Variants in CNTNAP2 observed in about 807,000 individuals in gnomAD.
CNTNAP2 encodes the protein contactin associated protein 2.
In CNTNAP2, 98 loss-of-function variants were observed where a neutral mutation model predicts 155.2. The observed-to-expected ratio is 0.63, with a 90% CI of 0.54 to 0.75. CNTNAP2 has a LOEUF of 0.75. Among genes scored for constraint, CNTNAP2 ranks in the 30% least tolerant of loss-of-function variants. CNTNAP2 has a pLI of 0.00. For synonymous variants in CNTNAP2, 651 were observed against 631.2 expected (o/e 1.03, Z -0.47); for missense variants, 1,727 against 1,688.1 (o/e 1.02, Z -0.40).
In CNTNAP2 at chr7:146,987,146, C is replaced by T. The variant is rs182102123; in HGVS notation, c.403-56761C>T. On this transcript the variant is annotated intron_variant, in intron 3 of 23. Transcript: ENST00000361727. ...GGTGAGCAAAACCAGTGTCTAAGGA[C>T]TTACATGCTACATAGTTCTTTGATG... 9.2e-5 allele frequency among the ~76,000 whole-genome samples: 14 copies of T among 152,228 alleles called. No individual in the cohort carries two copies. The East Asian group carries it at 2.1e-3, about 23-fold the overall frequency.
At chr7:146,971,584 A>G (rs908324660) in intron 3 of CNTNAP2, among the ~76,000 whole-genome samples, 4 of 152,184 alleles carry the variant, frequency 2.6e-5, no homozygotes, top group Non-Finnish European at 5.9e-5. Flanking sequence ...TCAGGTTGCC[A>G]GCGTAGTCAG....
intron 5 of CNTNAP2, among the ~76,000 whole-genome samples, chr7:147,114,265 G>A (rs1800940444): frequency 6.6e-6 from 1 of 152,146 alleles, no homozygotes; most frequent in Non-Finnish European, 1.5e-5. Flanking sequence ...GCTGTGTAGT[G>A]ATGAGAAGTA....
intron 1 of CNTNAP2, among the ~76,000 whole-genome samples, chr7:146,633,635 GAT>G (rs1420233540): frequency 2.6e-5 from 4 of 151,722 alleles, no homozygotes; most frequent in Non-Finnish European, 4.4e-5. Flanking sequence ...TTAAAAAATA[GAT>G]ATAAGGATGG....
At chr7:148,098,471 C>T (rs1386993929) in intron 15 of CNTNAP2, among the ~76,000 whole-genome samples, 1 of 71,136 alleles carries the variant, frequency 1.4e-5, no homozygotes, top group Non-Finnish European at 2.9e-5. Flanking sequence ...AAAAAAAAAG[C>T]ATGCTTGTGT....
At position 146,510,880 on chromosome 7, in the gene CNTNAP2, G is replaced by A. The variant is rs548107447; in HGVS notation, c.98-263391G>A. ...TGTTTATCAGCTGTACTAGTTTTGG[G>A]GTGGTCTTTAGGTTTTTCTTTTTTC... On this transcript the variant is annotated intron_variant, in intron 1 of 23. Transcript: ENST00000361727. 7.2e-4 allele frequency among the ~76,000 whole-genome samples: 109 copies of A among 151,986 alleles called. 1 individual carries two copies. The highest frequency in any genetic ancestry group is 2.5e-3 in the African/African-American group (103 of 41,490).
intron 9 of CNTNAP2, among the ~76,000 whole-genome samples, chr7:147,366,052 A>G (rs116237868): frequency 1.2e-3 from 184 of 152,342 alleles, no homozygotes; most frequent in Middle Eastern, 3.4e-3. Context: ...TCCTTCATCA[A>G]GAATTTTCAT....
At chr7:147,847,909 G>T (rs997310850) in intron 13 of CNTNAP2, among the ~76,000 whole-genome samples, 5 of 123,704 alleles carry the variant, frequency 4.0e-5, no homozygotes, top group African/African-American at 6.3e-5. Flanking sequence ...TAGGCTGCTC[G>T]GGGGTCAGGG....
At chr7:147,775,421 A>G (rs1272049304) in intron 13 of CNTNAP2, among the ~76,000 whole-genome samples, 2 of 118,440 alleles carry the variant, frequency 1.7e-5, no homozygotes, top group African/African-American at 6.2e-5. Context: ...ATATTTATAT[A>G]TATATATCTG....
At chr7:147,822,442 G>A (rs908094123) in intron 13 of CNTNAP2, among the ~76,000 whole-genome samples, 1 of 152,030 alleles carries the variant, frequency 6.6e-6, no homozygotes, top group African/African-American at 2.4e-5. Context: ...TCCAAAAAGA[G>A]TCTATTTTAT....
At chr7:147,793,692 A>G (rs542699359) in intron 13 of CNTNAP2, among the ~76,000 whole-genome samples, 7 of 152,188 alleles carry the variant, frequency 4.6e-5, no homozygotes, top group African/African-American at 1.7e-4. Context: ...CAGCTTGTCA[A>G]TTTCTACAAA....
At chr7:146,231,122 TG>T (rs1799376691) in intron 1 of CNTNAP2, among the ~76,000 whole-genome samples, 1 of 152,172 alleles carries the variant, frequency 6.6e-6, no homozygotes, top group South Asian at 2.1e-4. Flanking sequence ...TGGCAGCTAG[TG>T]AGTCCTTTAA....
chr7:148,103,815 T>C (rs1804152717), intron 15 of CNTNAP2, among the ~76,000 whole-genome samples: 1 of 152,232 alleles, frequency 6.6e-6, no homozygotes, highest in Non-Finnish European at 1.5e-5. Flanking sequence ...AGGCTTTCTT[T>C]CAATAGTATT....
intron 2 of CNTNAP2, among the ~76,000 whole-genome samples, chr7:146,802,233 A>T (rs1026586151): frequency 2.0e-5 from 3 of 152,136 alleles, no homozygotes; most frequent in African/African-American, 7.2e-5. Context: ...AGCTCTGGAA[A>T]CAGTCTCCTT....
intron 2 of CNTNAP2, among the ~76,000 whole-genome samples, chr7:146,810,252 G>C (rs1414733554): frequency 6.9e-6 from 1 of 143,944 alleles, no homozygotes; most frequent in East Asian, 2.1e-4. Context: ...GATTACTACA[G>C]TTTTATAACA....
intron 11 of CNTNAP2, among the ~76,000 whole-genome samples, chr7:147,560,168 C>CAAACAA (rs1800033014): frequency 1.9e-5 from 1 of 52,828 alleles, no homozygotes; most frequent in Non-Finnish European, 3.4e-5. Context: ...AACTCCGTCT[C>CAAACAA]AAAAAAAAAA....
chr7:146,707,369 A>G (rs972098955), intron 1 of CNTNAP2, among the ~76,000 whole-genome samples: 1 of 152,186 alleles, frequency 6.6e-6, no homozygotes, highest in African/African-American at 2.4e-5. Flanking sequence ...ATTATAATAC[A>G]GTGCCTTACT....
intron 14 of CNTNAP2, among the ~76,000 whole-genome samples, chr7:147,950,125 A>G (rs1361418852): frequency 6.6e-6 from 1 of 152,036 alleles, no homozygotes; most frequent in African/African-American, 2.4e-5. Flanking sequence ...CACACGCCAG[A>G]GACCAGGATG....
intron 12 of CNTNAP2, among the ~76,000 whole-genome samples, chr7:147,628,158 A>C (rs1344229136): frequency 2.6e-5 from 4 of 152,182 alleles, no homozygotes; most frequent in African/African-American, 7.2e-5. Flanking sequence ...TTCCAAAAAG[A>C]TCATCACCTA....
At chr7:146,421,820 A>G (rs995326227) in intron 1 of CNTNAP2, among the ~76,000 whole-genome samples, 12 of 151,922 alleles carry the variant, frequency 7.9e-5, no homozygotes, top group Non-Finnish European at 1.6e-4. Context: ...TAAATCATTA[A>G]TTACCTTTGT....
Sources: gnomAD v4.1 joint callset for allele counts (sites outside exome capture counted in the v4.1 genomes callset) on GRCh38, gnomAD v4.1.1 for gene constraint, MANE v1.5 for transcripts, NCBI Gene and HGNC (gene_info 2026-07-23, HGNC 2026-07-21) for gene names.